GAN: variants seen among roughly 807,000 people sequenced by gnomAD.
The protein encoded by GAN is epididymis secretory sperm binding protein.
A neutral mutation model predicts 71.3 loss-of-function variants in GAN; 48 were observed. The ratio of observed to expected loss-of-function variants is 0.67; its 90% CI spans 0.53 to 0.86. The LOEUF is 0.86. Ranked by LOEUF, GAN falls within the 40% of genes least tolerant of loss-of-function variation. The pLI, the probability that GAN is intolerant of heterozygous loss-of-function variation, is 0.00. For missense variants in GAN, 928 were observed against 770.1 expected (o/e 1.21, Z -2.43); for synonymous variants, 386 against 276.8 (o/e 1.39, Z -3.92).
At chr16:81,376,507 G>GTGTGTGTA (rs1268354067) in intron 9 of GAN, among the ~76,000 whole-genome samples, 5 of 134,542 alleles carry the variant, frequency 3.7e-5, no homozygotes, top group Non-Finnish European at 7.9e-5. Context: ...GTGTGTGTGT[G>GTGTGTGTA]TGTATGTGTG....
At chr16:81,364,946 C>T (rs767101884) in intron 7 of GAN, 28 bp from the exon 8 acceptor site, 6 of 1,612,120 alleles carry the variant, frequency 3.7e-6, no homozygotes, top group African/African-American at 2.7e-5. Flanking sequence ...AATGTTGCCT[C>T]TCCCCCACCA....
intron 1 of GAN, among the ~76,000 whole-genome samples, chr16:81,350,797 G>T (rs1567489791): frequency 2.6e-5 from 4 of 152,130 alleles, no homozygotes; most frequent in Admixed American, 2.6e-4. Context: ...GGGATTACAG[G>T]CGTGAGCCAC....
At chr16:81,353,867 C>G (rs1910392306) in intron 2 of GAN, among the ~76,000 whole-genome samples, 6 of 152,070 alleles carry the variant, frequency 3.9e-5, no homozygotes, top group Admixed American at 3.9e-4. Flanking sequence ...GTCTGTGTAC[C>G]AAATTGCACT....
chr16:81,353,303 A>AC (rs1910366693), intron 2 of GAN, among the ~76,000 whole-genome samples: 1 of 151,678 alleles, frequency 6.6e-6, no homozygotes, highest in African/African-American at 2.4e-5. Flanking sequence ...AAAAAAAAAA[A>AC]AAACGATAGT....
chr16:81,378,091 G>A lies in GAN; in HGVS notation c.*495G>A, dbSNP rs558701236. 161 of 188,480 alleles carry A rather than the reference G, an allele frequency of 8.5e-4. No individual in the cohort carries two copies. The highest frequency in any genetic ancestry group is 3.7e-3 in the African/African-American group (158 of 42,772). 11.7% of individuals were successfully genotyped at this position (188,480 alleles called of 1,614,324 possible). ...AACCCTGCCCAACAAATTAAGGTTT[G>A]TGCCTAAAATGTTAGATTGGACTGT... On this transcript the variant is annotated 3_prime_UTR_variant, in exon 11 of 11. Coordinates refer to ENST00000648994, the MANE Select transcript of GAN (RefSeq NM_022041.4).
intron 1 of GAN, among the ~76,000 whole-genome samples, chr16:81,347,853 T>C (rs185975010): frequency 6.6e-6 from 1 of 152,292 alleles, no homozygotes; most frequent in African/African-American, 2.4e-5. Context: ...TATGATGATG[T>C]GCTCTGGAGT....
At chr16:81,371,670 G>A (rs1325275168) in intron 9 of GAN, among the ~76,000 whole-genome samples, 1 of 152,110 alleles carries the variant, frequency 6.6e-6, no homozygotes, top group African/African-American at 2.4e-5. Flanking sequence ...ACCACACTTT[G>A]GAGATCCTGG....
Position 81,346,649 on chromosome 16 carries a change from C to T in GAN, c.168-4934C>T, listed in dbSNP as rs529547395. On this transcript the variant is annotated intron_variant, in intron 1 of 10. Coordinates refer to ENST00000648994, the MANE Select transcript of GAN (RefSeq NM_022041.4). ...CTCCCTTCTGTGGAAAGATTGTCTT[C>T]CACGAAACCAGTCCCTGGTGCCAAA... 1.2e-4 allele frequency among the ~76,000 whole-genome samples: 19 copies of T among 152,344 alleles called. No homozygotes were observed. The South Asian group carries it at 3.5e-3, about 28-fold the overall frequency.
At chr16:81,352,190 C>G (rs1444292290) in intron 2 of GAN, among the ~76,000 whole-genome samples, 2 of 152,146 alleles carry the variant, frequency 1.3e-5, no homozygotes, top group African/African-American at 4.8e-5. Flanking sequence ...TGACAAGCAC[C>G]TTATTCACGA....
At chr16:81,365,171 T>C in intron 8 of GAN, 61 bp downstream of exon 8, 1 of 1,584,068 alleles carries the variant, frequency 6.3e-7, no homozygotes, top group Non-Finnish European at 8.7e-7. Context: ...CTGGAGCCCC[T>C]TACCCTGCCT....
At chr16:81,327,319 A>C (rs1400341342) in intron 1 of GAN, among the ~76,000 whole-genome samples, 2 of 152,242 alleles carry the variant, frequency 1.3e-5, no homozygotes, top group African/African-American at 4.8e-5. Flanking sequence ...AGGCGCCAGA[A>C]GCAAAAAGGT....
At chr16:81,319,529 A>G (rs1909158112) in intron 1 of GAN, among the ~76,000 whole-genome samples, 1 of 152,158 alleles carries the variant, frequency 6.6e-6, no homozygotes, top group South Asian at 2.1e-4. Flanking sequence ...CAGTGACATT[A>G]TGGTGGCTCT....
intron 8 of GAN, 31 bp from the exon 9 acceptor site, chr16:81,365,319 G>A: frequency 1.2e-6 from 2 of 1,613,516 alleles, no homozygotes; most frequent in Non-Finnish European, 8.5e-7. Context: ...TGTACAGCTT[G>A]TGCCTGATAA....
At chr16:81,371,748 G>C (rs761091507) in intron 9 of GAN, 1 of 152,160 alleles carries the variant, frequency 6.6e-6, no homozygotes, top group Non-Finnish European at 1.5e-5. Flanking sequence ...TTTTCTCTAG[G>C]GGTTTAGCTA....
Position 81,377,772 on chromosome 16 carries a change from G to A in GAN, c.*176G>A, listed in dbSNP as rs1196229669. 15 of 656,560 alleles carry A rather than the reference G, an allele frequency of 2.3e-5. No homozygotes were observed. The highest frequency in any genetic ancestry group is 1.0e-4 in the Admixed American group (4 of 39,718). The allele number at this position is 656,560 out of a possible 1,614,324, so 40.7% of individuals were successfully genotyped here. Reference sequence around the variant, plus strand: ...CTTTAGCTCTTGTTTGGGAGAACACGTAACTGTTGAAAAACTACCTGGGAG... The same window carrying A: ...CTTTAGCTCTTGTTTGGGAGAACACATAACTGTTGAAAAACTACCTGGGAG... On this transcript the variant is annotated 3_prime_UTR_variant, in exon 11 of 11. Transcript: ENST00000648994.
chr16:81,315,671 CG>C (rs1213537147), intron 1 of GAN, among the ~76,000 whole-genome samples: 7 of 152,184 alleles, frequency 4.6e-5, no homozygotes, highest in Non-Finnish European at 1.0e-4. Context: ...GAGGCCGCGC[CG>C]GGGAAGAGTC....
intron 1 of GAN, among the ~76,000 whole-genome samples, chr16:81,321,804 G>T (rs1028586847): frequency 6.6e-6 from 1 of 152,180 alleles, no homozygotes; most frequent in Non-Finnish European, 1.5e-5. Context: ...TGGGTTAAGG[G>T]TGGAGATACG....
At chr16:81,323,314 C>A (rs1909278898) in intron 1 of GAN, among the ~76,000 whole-genome samples, 1 of 152,174 alleles carries the variant, frequency 6.6e-6, no homozygotes, top group Non-Finnish European at 1.5e-5. Flanking sequence ...ATTACAATGC[C>A]TGCTGTTGGT....
At chr16:81,352,055 G>T (rs1910317824) in intron 2 of GAN, among the ~76,000 whole-genome samples, 1 of 152,114 alleles carries the variant, frequency 6.6e-6, no homozygotes, top group African/African-American at 2.4e-5. Flanking sequence ...CCATATGACT[G>T]GGGATACAAA....
Sources: allele counts gnomAD v4.1 joint callset (sites outside exome capture counted in the v4.1 genomes callset), GRCh38; gene constraint gnomAD v4.1.1; transcripts MANE v1.5; gene names NCBI Gene and HGNC (gene_info 2026-07-23, HGNC 2026-07-21).